AIG1: variants seen among roughly 807,000 people sequenced by gnomAD.
AIG1 encodes androgen-induced gene 1 protein.
Under a neutral mutation model 31.4 loss-of-function variants are expected in AIG1, and 23 were observed. The ratio of observed to expected loss-of-function variants is 0.73; its 90% CI spans 0.53 to 1.04. AIG1 has a LOEUF of 1.04. Ranked by LOEUF, AIG1 falls within the 50% of genes least tolerant of loss-of-function variation. The pLI, the probability that AIG1 is intolerant of heterozygous loss-of-function variation, is 0.00. For missense variants in AIG1, 274 were observed against 295.0 expected (o/e 0.93, Z 0.52); for synonymous variants, 100 against 110.5 (o/e 0.90, Z 0.60).
chr6:143,284,214 C>G lies in AIG1; in HGVS notation c.504C>G (p.Gly168=). ...GLTAICTFSV[G]YILWVCWVHH... is the part of the protein sequence containing the mutation. Reference sequence around the variant, plus strand: ...CCGCCATATGTACCTTCTCTGTTGGCTATATATTATGGTAAGGACCATGCC... The same window carrying G: ...CCGCCATATGTACCTTCTCTGTTGGGTATATATTATGGTAAGGACCATGCC... Residue 168 remains glycine (G), a synonymous_variant, in exon 4 of 6, where the codon GGC becomes GGG. Coordinates refer to ENST00000357847, the MANE Select transcript of AIG1 (RefSeq NM_016108.4). The surrounding 1 kb of genome is among the most constrained non-coding windows in gnomAD (Gnocchi z 4.4). 1 of 1,610,972 alleles carries G rather than the reference C, an allele frequency of 6.2e-7. No individual in the cohort carries two copies. The highest frequency in any genetic ancestry group is 8.5e-7 in the Non-Finnish European group (1 of 1,177,478).
intron 3 of AIG1, among the ~76,000 whole-genome samples, chr6:143,198,008 T>C (rs868556401): frequency 1.3e-5 from 2 of 152,210 alleles, no homozygotes; most frequent in African/African-American, 2.4e-5. Flanking sequence ...ATAATGTTGC[T>C]GTTTTGGAAG....
At chr6:143,174,731 A>G (rs1172191173) in intron 3 of AIG1, among the ~76,000 whole-genome samples, 1 of 152,152 alleles carries the variant, frequency 6.6e-6, no homozygotes, top group African/African-American at 2.4e-5. Context: ...GTGAGGTACT[A>G]TTCACTTGGT....
rs1562568278 is a variant in AIG1 at position 143,298,196 on chromosome 6, A to T, written c.515+13971A>T. 6.6e-6 allele frequency among the ~76,000 whole-genome samples: 1 copy of T among 152,174 alleles called. No individual in the cohort carries two copies. The highest frequency in any genetic ancestry group is 1.5e-5 in the Non-Finnish European group (1 of 68,022). On this transcript the variant is annotated intron_variant, in intron 4 of 5. Transcript: ENST00000357847. This position sits in a 1 kb window ranked among gnomAD's most constrained non-coding sequence, Gnocchi z 5.1. ...TTCATAAATTCTTGCCAGCCTCTGG[A>T]GAAATCCAGGAATTGTCATTTGTAC...
chr6:143,122,147 A>G (rs1053156032), intron 1 of AIG1, among the ~76,000 whole-genome samples: 4 of 152,286 alleles, frequency 2.6e-5, no homozygotes, highest in Non-Finnish European at 5.9e-5. Flanking sequence ...AGTTTCTCTT[A>G]GGAGAAGTTT....
At chr6:143,269,096 A>G (rs1454106162) in intron 3 of AIG1, among the ~76,000 whole-genome samples, 2 of 152,186 alleles carry the variant, frequency 1.3e-5, no homozygotes, top group Non-Finnish European at 2.9e-5. Context: ...CCTTACCTAG[A>G]TCACACTTTC....
chr6:143,104,656 T>C (rs1780630764), intron 1 of AIG1, among the ~76,000 whole-genome samples: 1 of 152,038 alleles, frequency 6.6e-6, no homozygotes, highest in South Asian at 2.1e-4. Context: ...CCCAGTACTT[T>C]GGGAGGCCGA....
chr6:143,289,382 C>G (rs1017247004), intron 4 of AIG1, among the ~76,000 whole-genome samples: 1 of 152,032 alleles, frequency 6.6e-6, no homozygotes, highest in Non-Finnish European at 1.5e-5. Context: ...AATGTTAATC[C>G]TGGTCAGTTG....
At chr6:143,077,781 A>G (rs1398333439) in intron 1 of AIG1, among the ~76,000 whole-genome samples, 1 of 152,042 alleles carries the variant, frequency 6.6e-6, no homozygotes, top group Non-Finnish European at 1.5e-5. Context: ...TTTTTCTATG[A>G]TTACCTCTTT....
intron 1 of AIG1, among the ~76,000 whole-genome samples, chr6:143,068,343 G>A (rs191373326): frequency 3.3e-5 from 5 of 152,352 alleles, no homozygotes; most frequent in Admixed American, 3.3e-4. Flanking sequence ...TTACTGCTTA[G>A]GATTCTATAC....
intron 2 of AIG1, among the ~76,000 whole-genome samples, chr6:143,163,470 C>T (rs1391185104): frequency 1.3e-5 from 2 of 152,144 alleles, no homozygotes; most frequent in African/African-American, 2.4e-5. Flanking sequence ...CTACAAAATT[C>T]CTAGGATCCT....
At chr6:143,224,144 GCA>G (rs1382616829) in intron 3 of AIG1, among the ~76,000 whole-genome samples, 1 of 152,158 alleles carries the variant, frequency 6.6e-6, no homozygotes, top group East Asian at 1.9e-4. Context: ...GATTTGGAAG[GCA>G]CACAAATCTG....
At chr6:143,290,003 A>G (rs1226398766) in intron 4 of AIG1, among the ~76,000 whole-genome samples, 5 of 152,270 alleles carry the variant, frequency 3.3e-5, no homozygotes, top group African/African-American at 7.2e-5. Flanking sequence ...TCACTCCACC[A>G]TAGCTGTTGA....
At chr6:143,192,563 C>T (rs2128598651) in intron 3 of AIG1, among the ~76,000 whole-genome samples, 1 of 151,250 alleles carries the variant, frequency 6.6e-6, no homozygotes, top group South Asian at 2.1e-4. Flanking sequence ...CAAGATCGTA[C>T]TACTTGCACT....
At chr6:143,174,729 C>T (rs1397514648) in intron 3 of AIG1, among the ~76,000 whole-genome samples, 2 of 151,982 alleles carry the variant, frequency 1.3e-5, no homozygotes, top group Non-Finnish European at 2.9e-5. Context: ...ATGTGAGGTA[C>T]TATTCACTTG....
At chr6:143,337,546 T>G (rs1359131822) in intron 5 of AIG1, among the ~76,000 whole-genome samples, 1 of 152,190 alleles carries the variant, frequency 6.6e-6, no homozygotes, top group Non-Finnish European at 1.5e-5. Context: ...AGCTAAGACT[T>G]TATCCCAATT....
At chr6:143,213,534 T>TC (rs1243942145) in intron 3 of AIG1, among the ~76,000 whole-genome samples, 1 of 146,858 alleles carries the variant, frequency 6.8e-6, no homozygotes, top group African/African-American at 2.6e-5. Context: ...TTTTTTTTTT[T>TC]GAGATGGAGT....
intron 3 of AIG1, chr6:143,188,786 G>A (rs538400413): frequency 3.0e-6 from 3 of 985,360 alleles, no homozygotes; most frequent in Non-Finnish European, 2.4e-6. Flanking sequence ...ACATACATCT[G>A]TAAGACCAGG....
chr6:143,296,097 C>A (rs1410323575), intron 4 of AIG1, among the ~76,000 whole-genome samples: 1 of 151,742 alleles, frequency 6.6e-6, no homozygotes. Flanking sequence ...ACACACACAC[C>A]CCTACCTCTC....
intron 2 of AIG1, among the ~76,000 whole-genome samples, chr6:143,139,700 C>T (rs1784092794): frequency 6.6e-6 from 1 of 152,016 alleles, no homozygotes; most frequent in African/African-American, 2.4e-5. Context: ...TTCTCTCTCT[C>T]CTCTCCTCTG....
Sources: allele counts gnomAD v4.1 joint callset (sites outside exome capture counted in the v4.1 genomes callset), GRCh38; gene constraint gnomAD v4.1.1; non-coding constraint Gnocchi (gnomAD v3.1); transcripts MANE v1.5; gene names NCBI Gene and HGNC (gene_info 2026-07-23, HGNC 2026-07-21).